Variants in CATSPERQ observed in about 807,000 individuals in gnomAD.
CATSPERQ encodes catsper channel auxiliary subunit theta.
the CATSPERQ span, chr8:144,353,956 T>C: frequency 3.3e-6 from 5 of 1,531,566 alleles, no homozygotes; most frequent in Non-Finnish European, 4.4e-6. Context: ...CCCGTTACCA[T>C]CGGAGCTGAG....
At chr8:144,353,936 A>C in the CATSPERQ span, 1 of 1,527,396 alleles carries the variant, frequency 6.5e-7, no homozygotes, top group African/African-American at 1.4e-5. Context: ...TCCCTGGCGC[A>C]CCCTCCCGGC....
the CATSPERQ span, chr8:144,354,082 G>A: frequency 4.6e-6 from 7 of 1,535,278 alleles, no homozygotes; most frequent in South Asian, 1.2e-5. This position sits in a 1 kb window ranked among gnomAD's most constrained non-coding sequence, Gnocchi z 4.6. Flanking sequence ...CGGCAGCGAC[G>A]AGATCACGAG....
At chr8:144,354,754 C>A in the CATSPERQ span, 11 of 1,535,212 alleles carry the variant, frequency 7.2e-6, no homozygotes, top group Non-Finnish European at 8.7e-6. The surrounding 1 kb of genome is among the most constrained non-coding windows in gnomAD (Gnocchi z 4.6). Context: ...GCTGCCGGCC[C>A]GGCCCTTAGG....
At chr8:144,354,737 T>C in the CATSPERQ span, 1 of 1,535,498 alleles carries the variant, frequency 6.5e-7, no homozygotes, top group Admixed American at 2.0e-5. The surrounding 1 kb of genome is among the most constrained non-coding windows in gnomAD (Gnocchi z 4.6). Context: ...ATGGAGGTCG[T>C]GGGCAGGCTG....
the CATSPERQ span, chr8:144,354,336 G>C: frequency 6.5e-7 from 1 of 1,532,932 alleles, no homozygotes; most frequent in Admixed American, 2.0e-5. The surrounding 1 kb of genome is among the most constrained non-coding windows in gnomAD (Gnocchi z 4.6). Flanking sequence ...CGAAGACTGG[G>C]GGTGGCGCGG....
the CATSPERQ span, chr8:144,354,574 T>TACCC: frequency 1.2e-5 from 4 of 322,962 alleles, no homozygotes; most frequent in Non-Finnish European, 1.6e-5. The surrounding 1 kb of genome is among the most constrained non-coding windows in gnomAD (Gnocchi z 4.6). Flanking sequence ...GCCCCGCCCT[T>TACCC]CCCAGCCCCG....
At chr8:144,354,624 C>G in the CATSPERQ span, 13 of 1,462,066 alleles carry the variant, frequency 8.9e-6, no homozygotes, top group Admixed American at 2.3e-4. The surrounding 1 kb of genome is among the most constrained non-coding windows in gnomAD (Gnocchi z 4.6). Context: ...CACCGTTTGG[C>G]TCCTGCTGCA....
chr8:144,354,333 T>C, the CATSPERQ span: 9 of 1,533,050 alleles, frequency 5.9e-6, no homozygotes, highest in Non-Finnish European at 7.0e-6. The surrounding 1 kb of genome is among the most constrained non-coding windows in gnomAD (Gnocchi z 4.6). Flanking sequence ...GCACGAAGAC[T>C]GGGGGTGGCG....
At chr8:144,354,588 C>CA in the CATSPERQ span, 1 of 1,283,032 alleles carries the variant, frequency 7.8e-7, no homozygotes, top group South Asian at 1.4e-5. This position sits in a 1 kb window ranked among gnomAD's most constrained non-coding sequence, Gnocchi z 4.6. Context: ...AGCCCCGCCC[C>CA]GCCCCGCCCC....
chr8:144,353,873 G>C, the CATSPERQ span: 11 of 1,533,844 alleles, frequency 7.2e-6, no homozygotes, highest in Admixed American at 3.9e-5. Flanking sequence ...GCTGCGGGGA[G>C]AGCGGACTTA....
chr8:144,354,168 G>C, the CATSPERQ span: 2 of 1,537,784 alleles, frequency 1.3e-6, no homozygotes, highest in Non-Finnish European at 1.7e-6. This position sits in a 1 kb window ranked among gnomAD's most constrained non-coding sequence, Gnocchi z 4.6. Context: ...GCCACGCGGA[G>C]AGTCTGAGCG....
At chr8:144,354,568 C>CCCCCCT in the CATSPERQ span, 3 of 734,760 alleles carry the variant, frequency 4.1e-6, no homozygotes, top group Non-Finnish European at 4.2e-6. The surrounding 1 kb of genome is among the most constrained non-coding windows in gnomAD (Gnocchi z 4.6). Context: ...TCCCCCGCCC[C>CCCCCCT]GCCCTTCCCA....
the CATSPERQ span, chr8:144,353,568 C>G: frequency 6.6e-7 from 1 of 1,505,820 alleles, no homozygotes; most frequent in Non-Finnish European, 8.9e-7. Context: ...CGGGACAGGA[C>G]AGACCCGAGT....
At chr8:144,354,196 A>AG in the CATSPERQ span, 14 of 1,543,890 alleles carry the variant, frequency 9.1e-6, no homozygotes, top group Non-Finnish European at 1.2e-5. The surrounding 1 kb of genome is among the most constrained non-coding windows in gnomAD (Gnocchi z 4.6). Context: ...GCCGGCCCTC[A>AG]GGGGAGGAGG....
the CATSPERQ span, chr8:144,353,637 C>G: frequency 6.9e-7 from 1 of 1,454,158 alleles, no homozygotes; most frequent in South Asian, 1.3e-5. Context: ...CCCGAAGCCC[C>G]GGCGCCCTCT....
the CATSPERQ span, chr8:144,353,486 G>C: frequency 6.5e-7 from 1 of 1,535,908 alleles, no homozygotes; most frequent in Non-Finnish European, 8.7e-7. Context: ...AGTAGTTGAT[G>C]TTGAGTTTCC....
At chr8:144,353,305 G>T in the CATSPERQ span, 1 of 1,488,534 alleles carries the variant, frequency 6.7e-7, no homozygotes, top group Non-Finnish European at 8.9e-7. Flanking sequence ...GGGGCTGGGA[G>T]GTTACCGAGA....
the CATSPERQ span, chr8:144,354,665 G>T: frequency 4.2e-5 from 65 of 1,535,294 alleles, no homozygotes; most frequent in Non-Finnish European, 5.3e-5. This position sits in a 1 kb window ranked among gnomAD's most constrained non-coding sequence, Gnocchi z 4.6. Flanking sequence ...TTCTTGAGGC[G>T]TCTGGCCAGG....
the CATSPERQ span, chr8:144,354,378 C>G: frequency 6.6e-7 from 1 of 1,513,268 alleles, no homozygotes; most frequent in Admixed American, 2.0e-5. The surrounding 1 kb of genome is among the most constrained non-coding windows in gnomAD (Gnocchi z 4.6). Flanking sequence ...TGCCCGCAGC[C>G]GGGGGTGGCG....
Sources: gnomAD v4.1 joint callset for allele counts on GRCh38, gnomAD v4.1.1 for gene constraint, Gnocchi (gnomAD v3.1) non-coding constraint, MANE v1.5 for transcripts, NCBI Gene and HGNC (gene_info 2026-07-23, HGNC 2026-07-21) for gene names.